CYP4V2: variants seen among roughly 807,000 people sequenced by gnomAD.
The protein encoded by CYP4V2 is cytochrome P450 family 4 subfamily V member 2, also known as cytochrome P450 4V2.
A neutral mutation model predicts 60.8 loss-of-function variants in CYP4V2; 55 were observed. The observed-to-expected ratio is 0.90, with a 90% CI of 0.73 to 1.13. The LOEUF (loss-of-function observed/expected upper bound fraction) is 1.13, where lower values mean the gene tolerates loss of function less well. CYP4V2 is among the 50% of genes most tolerant of loss of function. The pLI is 0.00. For missense variants in CYP4V2, 675 were observed against 662.9 expected (o/e 1.02, Z -0.20); for synonymous variants, 239 against 236.8 (o/e 1.01, Z -0.08).
At chr4:186,199,622 T>C (rs1413393619) in intron 6 of CYP4V2, among the ~76,000 whole-genome samples, 1 of 152,140 alleles carries the variant, frequency 6.6e-6, no homozygotes. Context: ...TTCTGGAAAA[T>C]GTTTGGATTC....
At position 186,210,724 on chromosome 4, in the gene CYP4V2, G is replaced by T; in HGVS notation, c.*83G>T. 1 of 1,547,304 alleles carries T rather than the reference G, an allele frequency of 6.5e-7. No homozygotes were observed. The highest frequency in any genetic ancestry group is 8.9e-7 in the Non-Finnish European group (1 of 1,129,912). ...GTCATTTACAATTTACAGATCATGA[G>T]TTCAATATGCTTGAATCCCCTAGAC... On this transcript the variant is annotated 3_prime_UTR_variant, in exon 11 of 11. Transcript: ENST00000378802.
At chr4:186,198,046 C>T (rs1337820888) in intron 5 of CYP4V2, among the ~76,000 whole-genome samples, 3 of 152,128 alleles carry the variant, frequency 2.0e-5, no homozygotes, top group Non-Finnish European at 4.4e-5. Flanking sequence ...CCCATATTTT[C>T]TGCACCAAGT....
intron 7 of CYP4V2, chr4:186,204,907 C>T (rs542487032): frequency 1.6e-5 from 7 of 450,682 alleles, no homozygotes; most frequent in South Asian, 1.0e-4. Context: ...TTCACAAAGG[C>T]GCAGCTCACC....
chr4:186,198,786 C>T (rs968065456), intron 5 of CYP4V2, among the ~76,000 whole-genome samples, 171 bp from the exon 6 acceptor site: 1 of 152,104 alleles, frequency 6.6e-6, no homozygotes, highest in Non-Finnish European at 1.5e-5. Context: ...TCATGGGATG[C>T]GTAATAGCCC....
At chr4:186,201,417 A>T (rs1244044183) in intron 7 of CYP4V2, 75 bp downstream of exon 7, 47 of 1,517,944 alleles carry the variant, frequency 3.1e-5, no homozygotes, top group Non-Finnish European at 3.9e-5. Flanking sequence ...ATTATTTTTT[A>T]AAACAATCAA....
In CYP4V2 at chr4:186,210,839, A is replaced by ATT. The variant is rs199938898; in HGVS notation, c.*209_*210dup. 1,220 of 529,420 alleles carry ATT rather than the reference A, an allele frequency of 2.3e-3. No individual in the cohort carries two copies. The highest frequency in any genetic ancestry group is 5.1e-3 in the Middle Eastern group (9 of 1,768). 32.8% of individuals were successfully genotyped at this position (529,420 alleles called of 1,614,324 possible). The stretch of plus-strand genomic sequence containing the variant: ...GTATTTTCTTTTTTCTTTTTTCTTT[A>ATT]TTTTTTTTTTTTGAAACCGTGTCTC... On this transcript the variant is annotated 3_prime_UTR_variant, in exon 11 of 11. Coordinates refer to ENST00000378802, the MANE Select transcript of CYP4V2 (RefSeq NM_207352.4).
chr4:186,205,349 G>A lies in CYP4V2; in HGVS notation c.1090+47G>A, dbSNP rs78799184. 375 of 1,539,688 alleles carry A rather than the reference G, an allele frequency of 2.4e-4. 1 individual carries two copies. The African/African-American group carries it at 4.1e-3, about 17-fold the overall frequency. On this transcript the variant is annotated intron_variant, in intron 8 of 10. Transcript: ENST00000378802. ...GTTATATTGTGGTACTAAGTCTGCT[G>A]CAGAGATGTCACTGTGTTGTAAACA...
chr4:186,193,719 C>T (rs1210942272), intron 1 of CYP4V2, among the ~76,000 whole-genome samples: 2 of 152,152 alleles, frequency 1.3e-5, no homozygotes, highest in Admixed American at 6.5e-5. Context: ...GTGTTGACCT[C>T]AACAAAGTTG....
Position 186,191,761 on chromosome 4 carries a change from C to T in CYP4V2, c.-63C>T. On this transcript the variant is annotated 5_prime_UTR_variant, in exon 1 of 11. Coordinates refer to ENST00000378802, the MANE Select transcript of CYP4V2 (RefSeq NM_207352.4). ...GGGCGGTGTGCGGCCGGCACCGCCT[C>T]GCACCACGCCCCCGCGGGCCCGCAC... is the stretch of plus-strand genomic sequence containing the variant. The T allele has an allele frequency of 4.4e-6, 6 of 1,366,844 alleles. No homozygotes were observed. The highest frequency in any genetic ancestry group is 5.6e-6 in the Non-Finnish European group (6 of 1,062,902). 84.7% of individuals were successfully genotyped at this position (1,366,844 alleles called of 1,614,324 possible). A position where few individuals can be genotyped will look rare whatever the true frequency, so the allele number is the denominator to read the frequency against.
chr4:186,203,305 A>G (rs10000459), intron 7 of CYP4V2: 1 of 152,192 alleles, frequency 6.6e-6, no homozygotes, highest in African/African-American at 2.4e-5. Context: ...TTGACATTCT[A>G]ATTGTTTTCT....
chr4:186,196,413 TC>T (rs1561431704), intron 3 of CYP4V2: 4 of 364,966 alleles, frequency 1.1e-5, no homozygotes, highest in African/African-American at 8.3e-5. Context: ...AGCAGGGAAA[TC>T]TTGAAAATCC....
chr4:186,197,447 C>T lies in CYP4V2; in HGVS notation c.605-86C>T. 8 of 1,302,614 alleles carry T rather than the reference C, an allele frequency of 6.1e-6. No individual in the cohort carries two copies. In the East Asian group the frequency reaches 6.9e-5, roughly 11 times the overall value. The allele number at this position is 1,302,614 out of a possible 1,614,324, so 80.7% of individuals were successfully genotyped here. A position where few individuals can be genotyped will look rare whatever the true frequency, so the allele number is the denominator to read the frequency against. ...ATATACAAGGACAAAGCAGGATGTA[C>T]GTCTTTAGTGTCTGCCGCTGCAAAA... is the stretch of plus-strand genomic sequence containing the variant. On this transcript the variant is annotated intron_variant, in intron 4 of 10. Transcript: ENST00000378802.
rs1736791006 is a variant in CYP4V2, at chr4:186,213,397, GTAAAAGA to G, written c.*2761_*2767del. 1 of 152,186 alleles carries G rather than the reference GTAAAAGA, an allele frequency of 6.6e-6. No individual in the cohort carries two copies. Among genetic ancestry groups the G allele is most frequent in the Non-Finnish European group, 1.5e-5 (1 of 68,032 alleles). The allele number at this position is 152,186 out of a possible 1,614,324, so 9.4% of individuals were successfully genotyped here. A position where few individuals can be genotyped will look rare whatever the true frequency, so the allele number is the denominator to read the frequency against. ...ATATCAATTCAAAACATAGAAAACT[GTAAAAGA>G]TAAATCAGGAGATGGCTGATTCATA... On this transcript the variant is annotated 3_prime_UTR_variant, in exon 11 of 11. Coordinates refer to ENST00000378802, the MANE Select transcript of CYP4V2 (RefSeq NM_207352.4).
intron 8 of CYP4V2, among the ~76,000 whole-genome samples, chr4:186,207,147 G>A (rs1646719126): frequency 6.6e-6 from 1 of 152,022 alleles, no homozygotes; most frequent in African/African-American, 2.4e-5. Flanking sequence ...GGTGGCTCAC[G>A]CCTGTAATCC....
intron 6 of CYP4V2, 103 bp from the exon 7 acceptor site, chr4:186,201,054 G>GA: frequency 8.2e-7 from 1 of 1,213,594 alleles, no homozygotes; most frequent in Non-Finnish European, 1.2e-6. Context: ...AATAGGCTTA[G>GA]AAAAATAAAT....
chr4:186,195,163 G>A lies in CYP4V2; in HGVS notation c.327+551G>A, dbSNP rs2126582896. Among the ~76,000 whole-genome samples the A allele has an allele frequency of 1.3e-5, 2 of 152,244 alleles. No individual in the cohort carries two copies. Among genetic ancestry groups the A allele is most frequent in the South Asian group, 4.2e-4 (2 of 4,818 alleles). On this transcript the variant is annotated intron_variant, in intron 2 of 10. Transcript: ENST00000378802. This position sits in a 1 kb window ranked among gnomAD's most constrained non-coding sequence, Gnocchi z 4.1. ...TGTAGTATGGTGAGAAAAGGATTTG[G>A]GTCAGGAAACAAAGATGGGGTAAAC... is the stretch of plus-strand genomic sequence containing the variant.
chr4:186,202,197 A>T (rs1395320906), intron 7 of CYP4V2: 2 of 152,230 alleles, frequency 1.3e-5, no homozygotes, highest in Admixed American at 1.3e-4. Flanking sequence ...GTTCTGTCAC[A>T]ATTTTCCTAT....
Position 186,199,073 on chromosome 4 carries a change from T to C in CYP4V2, c.791T>C (p.Phe264Ser). The C allele has an allele frequency of 6.2e-7, 1 of 1,613,700 alleles. No individual in the cohort carries two copies. Among genetic ancestry groups the C allele is most frequent in the Middle Eastern group, 1.6e-4 (1 of 6,062 alleles). The change falls in exon 6 of 11, where the codon TTT (phenylalanine) becomes TCT (serine). Residue 264 changes from phenylalanine (F) to serine (S), a missense_variant. By Grantham distance (155) the Phe-to-Ser change is radical. Coordinates refer to ENST00000378802, the MANE Select transcript of CYP4V2 (RefSeq NM_207352.4). ...HKKSLQILHTFTNSVIAERAN... is the reference protein window; with the variant it reads ...HKKSLQILHTSTNSVIAERAN... ...AAGAGCCTTCAGATCCTACATACTT[T>C]TACCAACAGTGTAAGTCCCTGACTT...
intron 8 of CYP4V2, among the ~76,000 whole-genome samples, chr4:186,208,135 A>G (rs1174946769): frequency 1.3e-5 from 2 of 149,654 alleles, no homozygotes. Context: ...AGGGTATTTG[A>G]TGGGTATTTA....
Sources: allele counts gnomAD v4.1 joint callset (sites outside exome capture counted in the v4.1 genomes callset), GRCh38; gene constraint gnomAD v4.1.1; non-coding constraint Gnocchi (gnomAD v3.1); transcripts MANE v1.5; gene names NCBI Gene and HGNC (gene_info 2026-07-23, HGNC 2026-07-21).